The following CDH18 variants were observed in gnomAD, a reference collection of about 807,000 sequenced individuals.
The protein encoded by CDH18 is cadherin-18.
In CDH18, 31 loss-of-function variants were observed where a neutral mutation model predicts 67.9. The observed-to-expected ratio is 0.46, with a 90% CI of 0.34 to 0.62. CDH18 has a LOEUF of 0.62. CDH18 is among the 20% of genes least tolerant of loss of function. The pLI, the probability that CDH18 is intolerant of heterozygous loss-of-function variation, is 0.01. For missense variants in CDH18, 890 were observed against 975.5 expected, an observed-to-expected ratio of 0.91 and a Z score of 1.17; for synonymous variants, 362 against 347.2, an observed-to-expected ratio of 1.04 and a Z score of -0.48.
intron 1 of CDH18, among the ~76,000 whole-genome samples, chr5:20,562,669 G>C (rs1292192777): frequency 6.6e-6 from 1 of 151,192 alleles, no homozygotes; most frequent in Non-Finnish European, 1.5e-5. Context: ...GACCAGCCAA[G>C]AAAAAAACAA....
rs1246126730 is a variant in CDH18 at position 20,387,497 on chromosome 5, A to G, written c.-579-131992T>C. Among the ~76,000 whole-genome samples, 5 of 152,236 alleles carry G rather than the reference A, an allele frequency of 3.3e-5. No individual in the cohort carries two copies. In the East Asian group the frequency reaches 9.7e-4, roughly 29 times the overall value. On this transcript the variant is annotated intron_variant, in intron 1 of 14. Transcript: ENST00000507958. ...GACGATGGGGTTTTCTAGATATACA[A>G]TCATGTCATCTGCAAACAGGGACAA...
chr5:20,202,087 C>T (rs751210334), intron 2 of CDH18, among the ~76,000 whole-genome samples: 26 of 152,264 alleles, frequency 1.7e-4, no homozygotes, highest in Non-Finnish European at 3.7e-4. Context: ...GTACAATAGA[C>T]TTGTACTGCA....
At chr5:20,326,744 T>C (rs1698340238) in intron 1 of CDH18, among the ~76,000 whole-genome samples, 3 of 152,150 alleles carry the variant, frequency 2.0e-5, no homozygotes, top group Admixed American at 6.5e-5. Flanking sequence ...GGTTTCACCA[T>C]GTTAGCCAAG....
intron 1 of CDH18, among the ~76,000 whole-genome samples, chr5:20,525,141 A>G (rs2457038): frequency 0.4 from 60,257 of 151,764 alleles, 13,356 homozygotes; most frequent in East Asian, 0.56. Context: ...TTAACTCTGC[A>G]GTTTAACTTT....
At chr5:20,239,919 A>G (rs1446828997) in intron 2 of CDH18, among the ~76,000 whole-genome samples, 1 of 152,200 alleles carries the variant, frequency 6.6e-6, no homozygotes, top group East Asian at 1.9e-4. Flanking sequence ...AAAAAAAAAT[A>G]AACAGAGAAT....
chr5:20,395,786 A>T (rs1745230327), intron 1 of CDH18, among the ~76,000 whole-genome samples: 1 of 152,078 alleles, frequency 6.6e-6, no homozygotes, highest in Non-Finnish European at 1.5e-5. Context: ...TGATTAGAGC[A>T]TTGGAATTTT....
intron 2 of CDH18, among the ~76,000 whole-genome samples, chr5:20,109,725 T>C (rs888526125): frequency 3.3e-5 from 5 of 152,240 alleles, no homozygotes; most frequent in African/African-American, 1.2e-4. Flanking sequence ...TTAATTGTTT[T>C]TGTTTGTTTT....
intron 12 of CDH18, 131 bp from the exon 13 acceptor site, chr5:19,473,847 A>C: frequency 1.3e-6 from 1 of 742,772 alleles, no homozygotes; most frequent in Non-Finnish European, 2.3e-6. Flanking sequence ...GCATTGCAGC[A>C]CAACTCACTC....
At chr5:20,497,976 C>T (rs547105984) in intron 1 of CDH18, among the ~76,000 whole-genome samples, 2 of 152,140 alleles carry the variant, frequency 1.3e-5, no homozygotes, top group East Asian at 3.9e-4. Context: ...AGCTGTCTTG[C>T]CCTTTCCCCC....
At chr5:19,950,497 G>C (rs1269996568) in intron 2 of CDH18, among the ~76,000 whole-genome samples, 3 of 151,994 alleles carry the variant, frequency 2.0e-5, no homozygotes, top group Non-Finnish European at 4.4e-5. Flanking sequence ...CCAAACAACA[G>C]CTGTTCTGCA....
intron 10 of CDH18, among the ~76,000 whole-genome samples, chr5:19,519,115 ACTT>A (rs1430837396): frequency 6.6e-6 from 1 of 151,852 alleles, no homozygotes; most frequent in East Asian, 1.9e-4. Flanking sequence ...AGCTCTTTAA[ACTT>A]CTTCTGATTG....
intron 2 of CDH18, among the ~76,000 whole-genome samples, chr5:20,092,636 G>C (rs1184697074): frequency 6.6e-6 from 1 of 151,894 alleles, no homozygotes; most frequent in Non-Finnish European, 1.5e-5. Flanking sequence ...ATTTTTTAAG[G>C]TTCATCTTAT....
At chr5:20,333,462 G>A (rs780423236) in intron 1 of CDH18, among the ~76,000 whole-genome samples, 3 of 146,704 alleles carry the variant, frequency 2.0e-5, no homozygotes, top group Non-Finnish European at 4.5e-5. Context: ...AGCTGAGGTC[G>A]AGCCACTGCA....
intron 11 of CDH18, among the ~76,000 whole-genome samples, chr5:19,497,165 C>T (rs1234152100): frequency 6.6e-6 from 1 of 151,812 alleles, no homozygotes; most frequent in Non-Finnish European, 1.5e-5. Flanking sequence ...AAAAAACTGG[C>T]ATTTGTTCTA....
intron 2 of CDH18, among the ~76,000 whole-genome samples, chr5:20,242,628 ATATATG>A (rs1743052149): frequency 1.6e-5 from 2 of 127,572 alleles, no homozygotes; most frequent in African/African-American, 6.5e-5. Flanking sequence ...ATATATATAT[ATATATG>A]TATATATATA....
chr5:20,139,376 C>T (rs1580331347), intron 2 of CDH18, among the ~76,000 whole-genome samples: 1 of 151,848 alleles, frequency 6.6e-6, no homozygotes, highest in East Asian at 1.9e-4. Flanking sequence ...GAAGAAAACC[C>T]AGGAAATTCC....
At chr5:20,339,455 T>G (rs1046753966) in intron 1 of CDH18, among the ~76,000 whole-genome samples, 1 of 152,072 alleles carries the variant, frequency 6.6e-6, no homozygotes, top group Non-Finnish European at 1.5e-5. Context: ...TCAGCCCTAC[T>G]AGCAGTTGTA....
chr5:19,591,027 C>T (rs1463502631), intron 7 of CDH18, 30 bp downstream of exon 7: 21 of 1,437,798 alleles, frequency 1.5e-5, no homozygotes, highest in Non-Finnish European at 1.6e-5. Flanking sequence ...GAGTGAGTTG[C>T]CTGAATCACA....
At chr5:19,579,680 T>C (rs975504543) in intron 7 of CDH18, among the ~76,000 whole-genome samples, 1 of 151,856 alleles carries the variant, frequency 6.6e-6, no homozygotes, top group African/African-American at 2.4e-5. Flanking sequence ...TTTTCATTCT[T>C]AGTTATTACT....
Sources: gnomAD v4.1 joint callset for allele counts (sites outside exome capture counted in the v4.1 genomes callset) on GRCh38, gnomAD v4.1.1 for gene constraint, MANE v1.5 for transcripts, NCBI Gene and HGNC (gene_info 2026-07-23, HGNC 2026-07-21) for gene names.